Variants in DMC1 observed in about 807,000 individuals in gnomAD.
DMC1 encodes DNA meiotic recombinase 1, also known as meiotic recombination protein DMC1 homolog.
A neutral mutation model predicts 50.1 loss-of-function variants in DMC1; 27 were observed. That is an observed-to-expected ratio of 0.54 (90% confidence interval 0.40 to 0.74). DMC1 has a LOEUF of 0.74. Among genes scored for constraint, DMC1 ranks in the 30% least tolerant of loss-of-function variants. The pLI is 0.00. For missense variants in DMC1, 295 were observed against 420.2 expected, an observed-to-expected ratio of 0.70 and a Z score of 2.60; for synonymous variants, 148 against 136.1, an observed-to-expected ratio of 1.09 and a Z score of -0.61.
chr22:38,520,885 T>G (rs2090016944), intron 13 of DMC1, among the ~76,000 whole-genome samples: 1 of 151,756 alleles, frequency 6.6e-6, no homozygotes. Context: ...TGTTTTTGTT[T>G]TTTTTTTTTG....
intron 8 of DMC1, among the ~76,000 whole-genome samples, chr22:38,547,639 A>C (rs1040736660): frequency 2.0e-5 from 3 of 151,884 alleles, no homozygotes; most frequent in Non-Finnish European, 4.4e-5. Flanking sequence ...CTCCCAGTTC[A>C]AGCGATTCTC....
At chr22:38,560,303 G>C (rs1382977825) in intron 5 of DMC1, among the ~76,000 whole-genome samples, 1 of 152,174 alleles carries the variant, frequency 6.6e-6, no homozygotes, top group East Asian at 1.9e-4. Flanking sequence ...AGGCCCTGAT[G>C]CAGGAGTGTA....
At chr22:38,537,826 G>T (rs968428042) in intron 11 of DMC1, among the ~76,000 whole-genome samples, 174 bp from the exon 12 acceptor site, 11 of 152,108 alleles carry the variant, frequency 7.2e-5, no homozygotes, top group African/African-American at 2.7e-4. Context: ...TATTATTAAG[G>T]TTAGAATAAA....
At chr22:38,560,335 C>T (rs1454768502) in intron 5 of DMC1, among the ~76,000 whole-genome samples, 1 of 151,970 alleles carries the variant, frequency 6.6e-6, no homozygotes, top group Non-Finnish European at 1.5e-5. Flanking sequence ...CTGGGAATAG[C>T]AAAGAGGTCA....
At chr22:38,566,944 T>C (rs1369554523) in intron 3 of DMC1, among the ~76,000 whole-genome samples, 3 of 152,198 alleles carry the variant, frequency 2.0e-5, no homozygotes, top group Admixed American at 2.0e-4. Context: ...GTTCTGACTG[T>C]GCCCTGATTT....
At chr22:38,516,946 C>T (rs368313476), downstream of DMC1, among the ~76,000 whole-genome samples, 24 of 152,306 alleles carry the variant, frequency 1.6e-4, no homozygotes, top group African/African-American at 5.8e-4. Flanking sequence ...CCATCTCAGC[C>T]TCTGAGTAGC....
intron 5 of DMC1, among the ~76,000 whole-genome samples, chr22:38,561,798 GA>G (rs968956768): frequency 6.6e-6 from 1 of 152,076 alleles, no homozygotes; most frequent in African/African-American, 2.4e-5. Context: ...AAGGTAGGGA[GA>G]AAAAACCCAC....
intron 13 of DMC1, among the ~76,000 whole-genome samples, chr22:38,521,098 C>T (rs1230437817): frequency 6.6e-6 from 1 of 152,106 alleles, no homozygotes; most frequent in Admixed American, 6.6e-5. Flanking sequence ...GTATAATATA[C>T]TGAGTAGCCT....
intron 12 of DMC1, among the ~76,000 whole-genome samples, chr22:38,522,423 C>T (rs1440932877): frequency 1.3e-5 from 2 of 151,874 alleles, no homozygotes; most frequent in African/African-American, 4.8e-5. Flanking sequence ...GGTGTGGTGG[C>T]GTGTGCCTGA....
chr22:38,516,668 G>A (rs1207639272), downstream of DMC1, among the ~76,000 whole-genome samples: 2 of 152,098 alleles, frequency 1.3e-5, no homozygotes, highest in African/African-American at 4.8e-5. Flanking sequence ...TAAAGAGGGG[G>A]TCACCACATG....
At chr22:38,536,657 C>A (rs539714277) in intron 12 of DMC1, among the ~76,000 whole-genome samples, 1 of 152,200 alleles carries the variant, frequency 6.6e-6, no homozygotes, top group African/African-American at 2.4e-5. Context: ...TGATAAGCTG[C>A]AATATAAGTT....
chr22:38,529,671 A>C (rs2090133987), intron 12 of DMC1, among the ~76,000 whole-genome samples: 1 of 152,220 alleles, frequency 6.6e-6, no homozygotes, highest in Non-Finnish European at 1.5e-5. Context: ...TTCAAGTAGC[A>C]TTAACTTTGA....
At chr22:38,530,375 T>G (rs929314408) in intron 12 of DMC1, among the ~76,000 whole-genome samples, 1 of 152,132 alleles carries the variant, frequency 6.6e-6, no homozygotes, top group Non-Finnish European at 1.5e-5. Flanking sequence ...TAAGAAGTTT[T>G]GTTAAGTAAT....
downstream of DMC1, among the ~76,000 whole-genome samples, chr22:38,515,476 CAAA>C (rs71197116): frequency 9.7e-6 from 1 of 102,760 alleles, no homozygotes. Context: ...AAATCCCTCT[CAAA>C]AAAAAAAAAA....
At chr22:38,566,106 C>G (rs2090578184) in intron 4 of DMC1, among the ~76,000 whole-genome samples, 1 of 152,084 alleles carries the variant, frequency 6.6e-6, no homozygotes, top group African/African-American at 2.4e-5. Context: ...GAAACCTCGT[C>G]TCTACTAAAA....
At chr22:38,512,028 G>A in the DMC1 span, among the ~76,000 whole-genome samples, 1 of 151,874 alleles carries the variant, frequency 6.6e-6, no homozygotes, top group Non-Finnish European at 1.5e-5. Context: ...AGGCTGGAGT[G>A]CAGTGGCACA....
At chr22:38,509,678 T>G in the DMC1 span, among the ~76,000 whole-genome samples, 58 of 150,544 alleles carry the variant, frequency 3.9e-4, 2 homozygotes, top group African/African-American at 1.4e-3. Flanking sequence ...TTGTTTTTTG[T>G]TTTTTTTTAG....
At chr22:38,539,032 T>A (rs1330971923) in intron 9 of DMC1, among the ~76,000 whole-genome samples, 7 of 148,574 alleles carry the variant, frequency 4.7e-5, no homozygotes, top group African/African-American at 1.7e-4. Flanking sequence ...CGAGACTCCA[T>A]CTCAAAAAAA....
chr22:38,536,576 T>C (rs965677147), intron 12 of DMC1, among the ~76,000 whole-genome samples: 9 of 152,216 alleles, frequency 5.9e-5, no homozygotes, highest in African/African-American at 2.2e-4. Context: ...ATAGTGCCTC[T>C]GATAAATATA....
Sources: gnomAD v4.1 joint callset for allele counts (sites outside exome capture counted in the v4.1 genomes callset) on GRCh38, gnomAD v4.1.1 for gene constraint, MANE v1.5 for transcripts, NCBI Gene and HGNC (gene_info 2026-07-23, HGNC 2026-07-21) for gene names.